Variants in TRIP12 observed in about 807,000 individuals in gnomAD.
The protein encoded by TRIP12 is E3 ubiquitin-protein ligase TRIP12.
TRIP12 carries 25 observed loss-of-function variants against 244.2 expected under a neutral mutation model. The ratio of observed to expected loss-of-function variants is 0.10; its 90% CI spans 0.07 to 0.14. TRIP12 has a LOEUF of 0.14. TRIP12 is among the 10% of genes least tolerant of loss of function. The pLI is 1.00. For synonymous variants in TRIP12, 905 were observed against 873.1 expected, an observed-to-expected ratio of 1.04 and a Z score of -0.64; for missense variants, 1,677 against 2,486.4, an observed-to-expected ratio of 0.67 and a Z score of 6.92.
intron 34 of TRIP12, 31 bp downstream of exon 34, chr2:229,785,726 C>T: frequency 6.3e-7 from 1 of 1,589,594 alleles, no homozygotes; most frequent in African/African-American, 1.3e-5. Context: ...ACAAGTCAAG[C>T]TAAATAACCA....
rs1426775541 is a variant in TRIP12 at position 229,774,172 on chromosome 2, C to T, written c.5619G>A (p.Gly1873=). Residue 1873 remains glycine (G), a synonymous_variant, in exon 38 of 42, where the codon GGG becomes GGA. Coordinates refer to ENST00000675903, the MANE Select transcript of TRIP12 (RefSeq NM_001348323.3). ...EDLGLDFTLP[G]FPNIELKKGG... ...CTTTCTTCAGTTCGATATTGGGAAA[C>T]CCTGGCAGAGTGAAATCCAGTCCTA... The T allele has an allele frequency of 6.2e-7, 1 of 1,614,158 alleles. No individual in the cohort carries two copies. The highest frequency in any genetic ancestry group is 1.7e-5 in the Admixed American group (1 of 60,012).
chr2:229,870,180 G>A (rs1052913269), intron 2 of TRIP12, among the ~76,000 whole-genome samples: 2 of 152,192 alleles, frequency 1.3e-5, no homozygotes, highest in Non-Finnish European at 2.9e-5. Flanking sequence ...CTGTTTTAAG[G>A]AGAGGTGCCG....
chr2:229,768,795 A>G, intron 40 of TRIP12, 76 bp from the exon 41 acceptor site: 1 of 1,312,536 alleles, frequency 7.6e-7, no homozygotes, highest in South Asian at 1.4e-5. Flanking sequence ...ATCGCATCAC[A>G]TGACATAAAA....
At chr2:229,850,458 A>T (rs971133816) in intron 4 of TRIP12, among the ~76,000 whole-genome samples, 1 of 152,228 alleles carries the variant, frequency 6.6e-6, no homozygotes, top group Non-Finnish European at 1.5e-5. Flanking sequence ...CTCCCTGCCC[A>T]ACTCTTCACA....
At chr2:229,890,766 T>A (rs908059260) in intron 1 of TRIP12, among the ~76,000 whole-genome samples, 31 of 152,098 alleles carry the variant, frequency 2.0e-4, no homozygotes, top group Admixed American at 6.5e-4. Flanking sequence ...TAAAAAAAAA[T>A]TTTAAATGCC....
intron 34 of TRIP12, among the ~76,000 whole-genome samples, chr2:229,784,333 C>G (rs1458299166): frequency 6.6e-6 from 1 of 150,608 alleles, no homozygotes; most frequent in African/African-American, 2.4e-5. Context: ...GCAAAAAAAT[C>G]TGAATAGCCT....
intron 2 of TRIP12, among the ~76,000 whole-genome samples, chr2:229,878,773 G>A (rs555243480): frequency 2.6e-5 from 4 of 151,724 alleles, no homozygotes; most frequent in South Asian, 2.1e-4. Flanking sequence ...TGGTAGAGAC[G>A]GGGTTTCACC....
At chr2:229,785,029 T>G (rs2039548857) in intron 34 of TRIP12, among the ~76,000 whole-genome samples, 1 of 152,196 alleles carries the variant, frequency 6.6e-6, no homozygotes, top group South Asian at 2.1e-4. Flanking sequence ...AACCCAAATG[T>G]GAATCAACTG....
At chr2:229,804,456 G>A (rs1335026651) in intron 18 of TRIP12, among the ~76,000 whole-genome samples, 1 of 152,126 alleles carries the variant, frequency 6.6e-6, no homozygotes, top group East Asian at 1.9e-4. Context: ...TGACCCATTG[G>A]GGCCAGCTGA....
chr2:229,894,036 T>A (rs573904518), intron 1 of TRIP12, among the ~76,000 whole-genome samples: 5 of 152,108 alleles, frequency 3.3e-5, no homozygotes, highest in African/African-American at 9.6e-5. Flanking sequence ...ATAACCATAA[T>A]CCCAGCTACT....
chr2:229,814,441 C>T, intron 11 of TRIP12, 116 bp from the exon 12 acceptor site: 1 of 935,334 alleles, frequency 1.1e-6, no homozygotes, highest in Non-Finnish European at 1.6e-6. Flanking sequence ...ACATGTAACC[C>T]ACCATAGGAT....
chr2:229,824,837 G>A (rs1365215373), intron 8 of TRIP12, among the ~76,000 whole-genome samples: 2 of 152,054 alleles, frequency 1.3e-5, no homozygotes, highest in African/African-American at 4.8e-5. Context: ...GAAGAAGCAG[G>A]GAAAATGGAA....
intron 2 of TRIP12, among the ~76,000 whole-genome samples, chr2:229,866,477 A>G (rs893853279): frequency 6.6e-6 from 1 of 152,220 alleles, no homozygotes; most frequent in South Asian, 2.1e-4. Flanking sequence ...CTAAGACATT[A>G]TATCAATATT....
intron 1 of TRIP12, among the ~76,000 whole-genome samples, chr2:229,881,156 C>A (rs542270991): frequency 6.6e-6 from 1 of 152,338 alleles, no homozygotes; most frequent in South Asian, 2.1e-4. Flanking sequence ...ACAGAGTTGT[C>A]AGCAACAAGA....
At chr2:229,851,294 A>AGGGTTTGT (rs1313234810) in intron 4 of TRIP12, among the ~76,000 whole-genome samples, 126 of 152,228 alleles carry the variant, frequency 8.3e-4, no homozygotes, top group African/African-American at 3.0e-3. Context: ...TGTCTAGCTC[A>AGGGTTTGT]GGGTTTGTGA....
chr2:229,803,141 T>C (rs909417929), intron 20 of TRIP12, among the ~76,000 whole-genome samples: 17 of 152,346 alleles, frequency 1.1e-4, no homozygotes, highest in African/African-American at 1.7e-4. Flanking sequence ...TTCACATTTT[T>C]CTGGGGAAGA....
chr2:229,903,016 T>TTC (rs1491019581), intron 1 of TRIP12, among the ~76,000 whole-genome samples: 1 of 65,930 alleles, frequency 1.5e-5, no homozygotes, highest in East Asian at 4.7e-4. Flanking sequence ...TTTTCTTTTT[T>TTC]TCTTTTTTTT....
At chr2:229,800,110 A>G (rs938524798) in intron 21 of TRIP12, among the ~76,000 whole-genome samples, 1 of 152,266 alleles carries the variant, frequency 6.6e-6, no homozygotes, top group African/African-American at 2.4e-5. Context: ...GGCCGTGAGT[A>G]AAATATACAT....
At chr2:229,915,730 G>A (rs1218376800) in intron 1 of TRIP12, among the ~76,000 whole-genome samples, 1 of 151,842 alleles carries the variant, frequency 6.6e-6, no homozygotes, top group African/African-American at 2.4e-5. Flanking sequence ...GGGTCTCACG[G>A]TCACCCAGGC....
Sources: gnomAD v4.1 joint callset for allele counts (sites outside exome capture counted in the v4.1 genomes callset) on GRCh38, gnomAD v4.1.1 for gene constraint, MANE v1.5 for transcripts, NCBI Gene and HGNC (gene_info 2026-07-23, HGNC 2026-07-21) for gene names.